The following LPCAT1 variants were observed in gnomAD, a reference collection of about 807,000 sequenced individuals.
LPCAT1 encodes lysophosphatidylcholine acyltransferase 1.
In LPCAT1, 23 loss-of-function variants were observed where a neutral mutation model predicts 60.9. That is an observed-to-expected ratio of 0.38 (90% CI 0.27 to 0.53). The LOEUF is 0.53. Among genes scored for constraint, LPCAT1 ranks in the 20% least tolerant of loss-of-function variants. The pLI is 0.82. For missense variants in LPCAT1, 622 were observed against 723.6 expected, an observed-to-expected ratio of 0.86 and a Z score of 1.61; for synonymous variants, 340 against 301.1, an observed-to-expected ratio of 1.13 and a Z score of -1.34.
intron 9 of LPCAT1, among the ~76,000 whole-genome samples, chr5:1,474,897 G>A (rs760341137): frequency 6.6e-6 from 1 of 152,240 alleles, no homozygotes; most frequent in Non-Finnish European, 1.5e-5. Flanking sequence ...CACACCAAAG[G>A]TCACTGACAC....
At chr5:1,503,944 A>C (rs1409856259) in intron 1 of LPCAT1, among the ~76,000 whole-genome samples, 14 of 152,204 alleles carry the variant, frequency 9.2e-5, no homozygotes, top group Non-Finnish European at 1.5e-5. Flanking sequence ...AAAACTTCTA[A>C]ACCTACGTTG....
chr5:1,493,062 G>A lies in LPCAT1; in HGVS notation c.493+1638C>T, dbSNP rs113971339. ...CATGAGCCTGTGGAGCTTGCAGAGCGGGGAAACCTGCGTGTGAGAGCCAAG... is the reference window on the plus strand; with the variant it reads ...CATGAGCCTGTGGAGCTTGCAGAGCAGGGAAACCTGCGTGTGAGAGCCAAG... On this transcript the variant is annotated intron_variant, in intron 3 of 13. Transcript: ENST00000283415. 4.3e-3 allele frequency among the ~76,000 whole-genome samples: 658 copies of A among 152,372 alleles called. 3 individuals are homozygous for A. Among genetic ancestry groups the A allele is most frequent in the African/African-American group, 0.015 (627 of 41,580 alleles).
In LPCAT1 at chr5:1,463,679, C is replaced by T. The variant is rs1174214239; in HGVS notation, c.1577G>A (p.Arg526Gln). 5.0e-6 allele frequency: 8 copies of T among 1,614,126 alleles called. No homozygotes were observed. The highest frequency in any genetic ancestry group is 1.3e-5 in the African/African-American group (1 of 74,954). ...DFSPENSDAGRKPVRKKLD is the reference protein window; with the variant it reads ...DFSPENSDAGQKPVRKKLD ...ATCCAGCTTCTTGCGAACAGGCTTC[C>T]GCCCAGCGTCTGAGTTTTCCGGGCT... Residue 526 changes from arginine to glutamine, a missense_variant, in exon 14 of 14, where the codon CGG (arginine) becomes CAG (glutamine). This residue lies in a region of LPCAT1 where 288 missense variants were observed against 283.6 expected (regional missense o/e 1.02). Coordinates refer to ENST00000283415, the MANE Select transcript of LPCAT1 (RefSeq NM_024830.5).
chr5:1,515,665 C>A (rs1366272889), intron 1 of LPCAT1, among the ~76,000 whole-genome samples: 1 of 150,434 alleles, frequency 6.6e-6, no homozygotes, highest in Non-Finnish European at 1.5e-5. Flanking sequence ...TGGCCTAAGT[C>A]CCACCCACTT....
intron 12 of LPCAT1, 88 bp from the exon 13 acceptor site, chr5:1,466,978 G>T (rs1000264878): frequency 3.8e-6 from 5 of 1,318,194 alleles, no homozygotes; most frequent in Non-Finnish European, 4.9e-6. Flanking sequence ...GCCCTGCCCC[G>T]CTTTGTCAGA....
chr5:1,523,770 C>T lies in LPCAT1; in HGVS notation c.75G>A (p.Ala25=). ...SAGASDARLL[A]PPGRNPFVHE... ...GCACGAAGGGGTTCCGCCCCGGGGG[C>T]GCCAGCAGCCGAGCGTCGCTGGCCC... Residue 25 remains alanine (A), a synonymous_variant, in exon 1 of 14, where the codon GCG becomes GCA. Transcript: ENST00000283415. This position sits in a 1 kb window ranked among gnomAD's most constrained non-coding sequence, Gnocchi z 7.1. 2.6e-6 allele frequency: 3 copies of T among 1,152,822 alleles called. No homozygotes were observed. Among genetic ancestry groups the T allele is most frequent in the African/African-American group, 1.7e-5 (1 of 60,236 alleles). 71.4% of individuals were successfully genotyped at this position (1,152,822 alleles called of 1,614,324 possible).
At chr5:1,470,194 T>C (rs918766644) in intron 12 of LPCAT1, among the ~76,000 whole-genome samples, 1 of 152,220 alleles carries the variant, frequency 6.6e-6, no homozygotes, top group Non-Finnish European at 1.5e-5. Flanking sequence ...CCGGCCCAGC[T>C]CTATCCCAGA....
At chr5:1,498,019 C>T (rs934482644) in intron 2 of LPCAT1, among the ~76,000 whole-genome samples, 5 of 152,194 alleles carry the variant, frequency 3.3e-5, no homozygotes, top group African/African-American at 7.2e-5. Flanking sequence ...GTGCCTTTTG[C>T]GAAACTGTGT....
In LPCAT1 at chr5:1,462,766, G is replaced by A. The variant is rs1208288321; in HGVS notation, c.*885C>T. 6.6e-6 allele frequency: 1 copy of A among 152,144 alleles called. No homozygotes were observed. Among genetic ancestry groups the A allele is most frequent in the Non-Finnish European group, 1.5e-5 (1 of 68,040 alleles). 9.4% of individuals were successfully genotyped at this position (152,144 alleles called of 1,614,324 possible). On this transcript the variant is annotated 3_prime_UTR_variant, in exon 14 of 14. Coordinates refer to ENST00000283415, the MANE Select transcript of LPCAT1 (RefSeq NM_024830.5). ...GCTCATTTGAACAATATCCAACCTCGGACTGGAGTTTAGGCTACAGTGAAA... is the reference window on the plus strand; with the variant it reads ...GCTCATTTGAACAATATCCAACCTCAGACTGGAGTTTAGGCTACAGTGAAA...
At chr5:1,518,370 C>T (rs1357735609) in intron 1 of LPCAT1, among the ~76,000 whole-genome samples, 4 of 152,144 alleles carry the variant, frequency 2.6e-5, no homozygotes, top group Admixed American at 6.5e-5. Flanking sequence ...AGACGGAGTC[C>T]GGCTCTGTCG....
rs576577774 is a variant in LPCAT1 at position 1,510,506 on chromosome 5, A to G, written c.136-8903T>C. Among the ~76,000 whole-genome samples the G allele has an allele frequency of 2.6e-5, 4 of 152,314 alleles. No individual in the cohort carries two copies. The East Asian group carries it at 7.7e-4, about 29-fold the overall frequency. ...AGTCCCACAGCACAGTGATTCTCCT[A>G]GACCACTCCATTTACCATTTTCAAC... is the stretch of plus-strand genomic sequence containing the variant. On this transcript the variant is annotated intron_variant, in intron 1 of 13. Transcript: ENST00000283415.
At chr5:1,470,715 G>T in intron 12 of LPCAT1, 111 bp downstream of exon 12, 1 of 754,786 alleles carries the variant, frequency 1.3e-6, no homozygotes, top group Non-Finnish European at 2.1e-6. Flanking sequence ...ATAGCAGTTG[G>T]GCAAATGATC....
chr5:1,491,797 A>G (rs1164013301), intron 3 of LPCAT1, among the ~76,000 whole-genome samples: 1 of 152,244 alleles, frequency 6.6e-6, no homozygotes, highest in Non-Finnish European at 1.5e-5. Context: ...CACTGAAAGG[A>G]AACTAAGAAT....
intron 13 of LPCAT1, among the ~76,000 whole-genome samples, chr5:1,464,902 AACTAAAC>A (rs1302667705): frequency 7.5e-5 from 7 of 93,086 alleles, no homozygotes; most frequent in African/African-American, 2.3e-4. Flanking sequence ...CACACACACT[AACTAAAC>A]ACACATGCGT....
chr5:1,478,721 C>T (rs1211572566), intron 8 of LPCAT1, among the ~76,000 whole-genome samples: 1 of 152,288 alleles, frequency 6.6e-6, no homozygotes, highest in African/African-American at 2.4e-5. Context: ...TCGTAGTGCT[C>T]TCCAATATTT....
rs1014624790 is a variant in LPCAT1 at position 1,521,684 on chromosome 5, C to T, written c.135+2026G>A. Among the ~76,000 whole-genome samples the T allele has an allele frequency of 6.6e-6, 1 of 152,196 alleles. No individual in the cohort carries two copies. The highest frequency in any genetic ancestry group is 1.5e-5 in the Non-Finnish European group (1 of 68,032). Reference sequence around the variant, plus strand: ...CTCTGAAGTGGCAACAAAGCAAGCCCCCTCTCTGAGAGGCCCCAACACCTC... The same window carrying T: ...CTCTGAAGTGGCAACAAAGCAAGCCTCCTCTCTGAGAGGCCCCAACACCTC... On this transcript the variant is annotated intron_variant, in intron 1 of 13. Coordinates refer to ENST00000283415, the MANE Select transcript of LPCAT1 (RefSeq NM_024830.5). This position sits in a 1 kb window ranked among gnomAD's most constrained non-coding sequence, Gnocchi z 4.3.
intron 11 of LPCAT1, among the ~76,000 whole-genome samples, chr5:1,473,147 C>T (rs552329324): frequency 6.6e-6 from 1 of 152,288 alleles, no homozygotes; most frequent in East Asian, 1.9e-4. Context: ...GCCCGGGTTC[C>T]ACCCAGGACT....
At chr5:1,492,359 G>C (rs1270982470) in intron 3 of LPCAT1, among the ~76,000 whole-genome samples, 2 of 152,018 alleles carry the variant, frequency 1.3e-5, no homozygotes, top group South Asian at 4.2e-4. Context: ...GCTGGGACCT[G>C]GGGAGATGGT....
At chr5:1,501,283 C>A (rs1735992967) in intron 2 of LPCAT1, among the ~76,000 whole-genome samples, 178 bp downstream of exon 2, 1 of 152,186 alleles carries the variant, frequency 6.6e-6, no homozygotes, top group African/African-American at 2.4e-5. Context: ...AAGACAGAGG[C>A]AACGGGGAGG....
Sources: allele counts gnomAD v4.1 joint callset (sites outside exome capture counted in the v4.1 genomes callset), GRCh38; gene constraint gnomAD v4.1.1; regional missense constraint gnomAD v4.1.1; non-coding constraint Gnocchi (gnomAD v3.1); transcripts MANE v1.5; gene names NCBI Gene and HGNC (gene_info 2026-07-23, HGNC 2026-07-21).